Variants in L3MBTL1 observed in about 807,000 individuals in gnomAD.
L3MBTL1 encodes the protein L3MBTL histone methyl-lysine binding protein 1, also known as lethal(3)malignant brain tumor-like protein 1.
In L3MBTL1, 75 loss-of-function variants were observed where a neutral mutation model predicts 105.3. That is an observed-to-expected ratio of 0.71 (90% CI 0.59 to 0.86). L3MBTL1 has a LOEUF of 0.86. L3MBTL1 is among the 40% of genes least tolerant of loss of function. L3MBTL1 has a pLI of 0.00. For missense variants in L3MBTL1, 1,069 were observed against 1,126.4 expected (o/e 0.95, Z 0.73); for synonymous variants, 452 against 436.2 (o/e 1.04, Z -0.45).
chr20:43,535,638 CAT>C (rs1162005320), intron 16 of L3MBTL1, among the ~76,000 whole-genome samples, 197 bp from the exon 17 acceptor site: 5 of 152,184 alleles, frequency 3.3e-5, no homozygotes, highest in South Asian at 2.1e-4. Context: ...AAAGTATTAA[CAT>C]ATGAGAGCTA....
At chr20:43,517,565 G>A (rs1225101441) in intron 7 of L3MBTL1, among the ~76,000 whole-genome samples, 1 of 152,158 alleles carries the variant, frequency 6.6e-6, no homozygotes, top group Non-Finnish European at 1.5e-5. Context: ...ATTGCACTTG[G>A]TTCTTGTATC....
chr20:43,513,845 G>C lies in L3MBTL1; in HGVS notation c.144G>C (p.Ser48=). ...PATAFIIPAS[S]ATLGLPSSAL... ...TTGTATATCTGTTTACAGCCAGTTC[G>C]GCCACCCTCGGCCTGCCCAGCAGTG... The change falls in exon 3 of 22, where the codon TCG becomes TCC. Residue 48 remains serine (S), a synonymous_variant. Coordinates refer to ENST00000418998, the MANE Select transcript of L3MBTL1 (RefSeq NM_001377303.1). The C allele has an allele frequency of 6.4e-7, 1 of 1,550,604 alleles. No homozygotes were observed. The highest frequency in any genetic ancestry group is 2.0e-5 in the Admixed American group (1 of 51,012).
At position 43,507,900 on chromosome 20, in the gene L3MBTL1, G is replaced by T. The variant is rs552332161; in HGVS notation, c.-29+156G>T. Among the ~76,000 whole-genome samples the T allele has an allele frequency of 1.2e-3, 187 of 152,284 alleles. 2 individuals carry two copies. Among genetic ancestry groups the T allele is most frequent in the Admixed American group, 0.011 (166 of 15,306 alleles). The stretch of plus-strand genomic sequence containing the variant: ...GGGGCGCGGGCTGGGGAGGAGGTTC[G>T]GGAAAACGCCGGGGAAAGCGGTCTG... On this transcript the variant is annotated intron_variant, in intron 1 of 21. Transcript: ENST00000418998.
chr20:43,543,357 T>C (rs1978349855), downstream of L3MBTL1, among the ~76,000 whole-genome samples: 2 of 152,186 alleles, frequency 1.3e-5, no homozygotes, highest in South Asian at 4.1e-4. Flanking sequence ...TGACCACAGG[T>C]CTTCGAATGT....
At chr20:43,535,754 C>T (rs542887521) in intron 16 of L3MBTL1, 83 bp from the exon 17 acceptor site, 91 of 846,372 alleles carry the variant, frequency 1.1e-4, no homozygotes, top group Non-Finnish European at 1.5e-4. Flanking sequence ...GTGCTGATCT[C>T]CCCAGTGGAA....
intron 1 of L3MBTL1, 59 bp from the exon 2 acceptor site, chr20:43,513,417 A>G: frequency 1.3e-6 from 2 of 1,481,870 alleles, no homozygotes; most frequent in Non-Finnish European, 1.8e-6. Flanking sequence ...TCACATCTCC[A>G]TTGCTGCTGT....
chr20:43,510,697 G>A (rs908923001), intron 1 of L3MBTL1, among the ~76,000 whole-genome samples: 6 of 151,850 alleles, frequency 4.0e-5, no homozygotes, highest in African/African-American at 2.4e-5. Context: ...GATTAGAGGC[G>A]TGAGCCACTG....
At chr20:43,517,399 T>G (rs962134313) in intron 7 of L3MBTL1, among the ~76,000 whole-genome samples, 2 of 152,098 alleles carry the variant, frequency 1.3e-5, no homozygotes, top group Non-Finnish European at 2.9e-5. Context: ...CAGCCTTTTT[T>G]TTAATTTTAA....
At chr20:43,529,098 T>TTCTCTC (rs146663372) in intron 8 of L3MBTL1, 166 bp from the exon 9 acceptor site, 4 of 600,232 alleles carry the variant, frequency 6.7e-6, no homozygotes, top group Admixed American at 5.8e-5. Context: ...CTGGGAGATA[T>TTCTCTC]TCTCTCTCTC....
At chr20:43,549,333 C>T (rs1243058478) in exon 19 of L3MBTL1, 1 of 152,292 alleles carries the variant, frequency 6.6e-6, no homozygotes, top group Non-Finnish European at 1.5e-5. Context: ...ATCATTTAAC[C>T]TGTCCCTTAA....
chr20:43,521,247 T>G (rs2018691125), intron 7 of L3MBTL1, among the ~76,000 whole-genome samples: 1 of 152,232 alleles, frequency 6.6e-6, no homozygotes, highest in Admixed American at 6.5e-5. Flanking sequence ...TGATGACTGC[T>G]TGTAATTAAT....
rs1217838398 is a variant in L3MBTL1, at chr20:43,528,639, T to C, written c.863-18T>C. ...CAGGAACAGCCCAGGAGTTAGCCTGTCTGTCCCCTTTCCACAGCAACAGGT... is the reference window on the plus strand; with the variant it reads ...CAGGAACAGCCCAGGAGTTAGCCTGCCTGTCCCCTTTCCACAGCAACAGGT... On this transcript the variant is annotated intron_variant, in intron 7 of 21. Transcript: ENST00000418998. The C allele has an allele frequency of 6.2e-7, 1 of 1,602,944 alleles. No individual in the cohort carries two copies. The highest frequency in any genetic ancestry group is 1.3e-5 in the African/African-American group (1 of 74,686).
intron 7 of L3MBTL1, among the ~76,000 whole-genome samples, chr20:43,528,036 G>A (rs2019122106): frequency 6.6e-6 from 1 of 152,150 alleles, no homozygotes; most frequent in South Asian, 2.1e-4. Context: ...GGGATTACAG[G>A]CATGTACCAC....
In L3MBTL1 at chr20:43,538,044, G is replaced by A. The variant is rs544975948; in HGVS notation, c.2173+1586G>A. On this transcript the variant is annotated intron_variant, in intron 19 of 21. Coordinates refer to ENST00000418998, the MANE Select transcript of L3MBTL1 (RefSeq NM_001377303.1). ...GCACAGCTCCCTGCCAGTATTATTA[G>A]TCTGAGTCTCTTGCCTCACTTCCTC... Among the ~76,000 whole-genome samples the A allele has an allele frequency of 2.4e-3, 361 of 152,282 alleles. 1 individual carries two copies. The highest frequency in any genetic ancestry group is 8.2e-3 in the African/African-American group (340 of 41,540).
chr20:43,542,611 CAAAAAAAA>C (rs5841503), downstream of L3MBTL1, among the ~76,000 whole-genome samples: 13 of 112,658 alleles, frequency 1.2e-4, no homozygotes, highest in East Asian at 7.6e-4. Context: ...AAAAATTTAA[CAAAAAAAA>C]AAAAAAAAAA....
intron 7 of L3MBTL1, among the ~76,000 whole-genome samples, chr20:43,522,872 G>A (rs941342588): frequency 2.7e-5 from 4 of 150,392 alleles, no homozygotes; most frequent in African/African-American, 9.8e-5. Flanking sequence ...GTAGGCCAAG[G>A]CAGGTGGATC....
intron 7 of L3MBTL1, among the ~76,000 whole-genome samples, chr20:43,526,078 G>A (rs926792232): frequency 1.3e-5 from 2 of 152,124 alleles, no homozygotes; most frequent in African/African-American, 4.8e-5. Context: ...AGAGGTGTCT[G>A]CTGTGGCATG....
In L3MBTL1 at chr20:43,514,651, A is replaced by C. The variant is rs747559167; in HGVS notation, c.377A>C (p.Tyr126Ser). ...GGGLRFRISE[Y>S]KPLNMAGVEQ... ...GCGCTCCAGTTCCGGATAAGCGAGTATAAGCCGCTGAACATGGCGGGAGTG... is the reference window on the plus strand; with the variant it reads ...GCGCTCCAGTTCCGGATAAGCGAGTCTAAGCCGCTGAACATGGCGGGAGTG... The change falls in exon 4 of 22, where the codon TAT (tyrosine) becomes TCT (serine). Residue 126 changes from tyrosine to serine, a missense_variant. By Grantham distance (144) the Tyr-to-Ser change is moderately radical. Transcript: ENST00000418998. 1.2e-5 allele frequency: 19 copies of C among 1,597,804 alleles called. No individual in the cohort carries two copies. Among genetic ancestry groups the C allele is most frequent in the Non-Finnish European group, 1.6e-5 (19 of 1,172,378 alleles).
At chr20:43,537,762 C>T (rs2019705264) in intron 19 of L3MBTL1, among the ~76,000 whole-genome samples, 2 of 152,158 alleles carry the variant, frequency 1.3e-5, no homozygotes, top group African/African-American at 4.8e-5. Context: ...TGAGAAATCA[C>T]CTGGTTTAGT....
Sources: gnomAD v4.1 joint callset for allele counts (sites outside exome capture counted in the v4.1 genomes callset) on GRCh38, gnomAD v4.1.1 for gene constraint, MANE v1.5 for transcripts, NCBI Gene and HGNC (gene_info 2026-07-23, HGNC 2026-07-21) for gene names.